SNTG1: variants seen among roughly 807,000 people sequenced by gnomAD.
SNTG1 encodes the protein gamma-1-syntrophin.
In SNTG1, 39 loss-of-function variants were observed where a neutral mutation model predicts 74.7. The observed-to-expected ratio is 0.52, with a 90% CI of 0.40 to 0.68. The LOEUF (loss-of-function observed/expected upper bound fraction) is 0.68, where lower values mean the gene tolerates loss of function less well. SNTG1 is among the 30% of genes least tolerant of loss of function. The pLI is 0.00. For synonymous variants in SNTG1, 254 were observed against 217.1 expected (o/e 1.17, Z -1.49); for missense variants, 685 against 609.5 (o/e 1.12, Z -1.30).
At chr8:50,514,583 A>G (rs1263071598) in intron 9 of SNTG1, among the ~76,000 whole-genome samples, 1 of 152,152 alleles carries the variant, frequency 6.6e-6, no homozygotes, top group Admixed American at 6.5e-5. Context: ...CCATTGTATC[A>G]GAAAAGATAT....
chr8:50,592,474 A>G (rs1428243287), intron 13 of SNTG1, among the ~76,000 whole-genome samples: 1 of 152,198 alleles, frequency 6.6e-6, no homozygotes, highest in Non-Finnish European at 1.5e-5. Flanking sequence ...ACTACAGCTA[A>G]CACTTCTCAT....
At chr8:50,677,145 C>G (rs1443278603) in intron 15 of SNTG1, among the ~76,000 whole-genome samples, 3 of 151,854 alleles carry the variant, frequency 2.0e-5, no homozygotes, top group African/African-American at 4.8e-5. Flanking sequence ...CCCCTTTAAG[C>G]TGAGTCAGAA....
At chr8:50,070,017 A>G (rs1381287226) in intron 1 of SNTG1, among the ~76,000 whole-genome samples, 2 of 152,086 alleles carry the variant, frequency 1.3e-5, no homozygotes, top group African/African-American at 4.8e-5. Context: ...GTGGGGCTGT[A>G]TTGGCAGTAA....
chr8:50,511,255 G>A (rs934022798), intron 9 of SNTG1, among the ~76,000 whole-genome samples: 16 of 152,260 alleles, frequency 1.1e-4, no homozygotes, highest in Admixed American at 9.2e-4. Flanking sequence ...CTGAGTTCTA[G>A]TTTGATTGCA....
chr8:50,042,150 G>C (rs999551923), intron 1 of SNTG1, among the ~76,000 whole-genome samples: 1 of 152,124 alleles, frequency 6.6e-6, no homozygotes, highest in Non-Finnish European at 1.5e-5. Context: ...TTATACATGA[G>C]ACAATTTACT....
chr8:50,152,785 G>T (rs945324214), intron 1 of SNTG1, among the ~76,000 whole-genome samples: 1 of 152,196 alleles, frequency 6.6e-6, no homozygotes, highest in Non-Finnish European at 1.5e-5. Context: ...CTGTTAGTCT[G>T]ATGGGTTTCC....
chr8:50,633,102 A>G (rs1043912792), intron 13 of SNTG1, among the ~76,000 whole-genome samples: 7 of 152,214 alleles, frequency 4.6e-5, no homozygotes, highest in African/African-American at 1.4e-4. Flanking sequence ...TAATAAATAT[A>G]TTGATCAAAT....
At chr8:50,043,215 G>T (rs1030594017) in intron 1 of SNTG1, among the ~76,000 whole-genome samples, 1 of 152,086 alleles carries the variant, frequency 6.6e-6, no homozygotes, top group Non-Finnish European at 1.5e-5. Flanking sequence ...CTATATTAGC[G>T]AGTCTATATT....
chr8:50,553,609 G>C (rs1322527322), intron 12 of SNTG1, among the ~76,000 whole-genome samples: 2 of 152,136 alleles, frequency 1.3e-5, no homozygotes, highest in Admixed American at 1.3e-4. Context: ...ACAGTCAGAA[G>C]ATTGCCATTG....
chr8:49,934,163 A>G (rs1807835240), intron 1 of SNTG1, among the ~76,000 whole-genome samples: 1 of 152,012 alleles, frequency 6.6e-6, no homozygotes, highest in East Asian at 1.9e-4. Flanking sequence ...GTTATTCTCT[A>G]GTCTTTATAA....
chr8:50,701,952 G>A (rs1230254885), intron 15 of SNTG1, among the ~76,000 whole-genome samples: 1 of 151,772 alleles, frequency 6.6e-6, no homozygotes, highest in Non-Finnish European at 1.5e-5. Flanking sequence ...CTAGGTTCAA[G>A]TGATTCTCCT....
At chr8:50,085,796 T>G (rs1194679375) in intron 1 of SNTG1, among the ~76,000 whole-genome samples, 1 of 152,300 alleles carries the variant, frequency 6.6e-6, no homozygotes, top group African/African-American at 2.4e-5. Context: ...CTCTCACAAT[T>G]TCTCTCATCC....
At chr8:50,112,878 G>A (rs896481893) in intron 1 of SNTG1, among the ~76,000 whole-genome samples, 2 of 151,952 alleles carry the variant, frequency 1.3e-5, no homozygotes, top group African/African-American at 2.4e-5. Flanking sequence ...GTTTTTGTCA[G>A]GTTTGTCAAA....
intron 2 of SNTG1, among the ~76,000 whole-genome samples, chr8:50,272,427 T>G (rs909187742): frequency 6.6e-5 from 10 of 152,198 alleles, no homozygotes; most frequent in Non-Finnish European, 1.0e-4. Flanking sequence ...CTTTGATTCC[T>G]GGGCCAGGTG....
At chr8:50,712,190 A>G (rs1172783517) in intron 17 of SNTG1, among the ~76,000 whole-genome samples, 1 of 152,176 alleles carries the variant, frequency 6.6e-6, no homozygotes, top group Non-Finnish European at 1.5e-5. Flanking sequence ...AGTGGAGACA[A>G]GGAGGATGAA....
At chr8:49,938,770 C>G (rs1808413811) in intron 1 of SNTG1, among the ~76,000 whole-genome samples, 1 of 149,840 alleles carries the variant, frequency 6.7e-6, no homozygotes, top group South Asian at 2.1e-4. Flanking sequence ...TAAATTTAAA[C>G]TAGATAACAT....
intron 1 of SNTG1, among the ~76,000 whole-genome samples, chr8:50,139,491 G>A (rs2131455923): frequency 6.6e-6 from 1 of 152,300 alleles, no homozygotes; most frequent in South Asian, 2.1e-4. Context: ...CATTAACCTA[G>A]AAAACAGAAT....
intron 12 of SNTG1, among the ~76,000 whole-genome samples, chr8:50,572,617 G>A (rs1779270703): frequency 6.6e-6 from 1 of 152,102 alleles, no homozygotes; most frequent in Admixed American, 6.6e-5. Flanking sequence ...AATAACCAAA[G>A]TAAAAGGGCA....
chr8:50,116,258 A>G (rs2080816485), intron 1 of SNTG1, among the ~76,000 whole-genome samples: 1 of 152,184 alleles, frequency 6.6e-6, no homozygotes. Flanking sequence ...ACCATCTAAC[A>G]TTAAACACTT....
Sources: allele counts gnomAD v4.1 joint callset (sites outside exome capture counted in the v4.1 genomes callset), GRCh38; gene constraint gnomAD v4.1.1; transcripts MANE v1.5; gene names NCBI Gene and HGNC (gene_info 2026-07-23, HGNC 2026-07-21).